Variants in CCDC32 observed in about 807,000 individuals in gnomAD.
CCDC32 encodes coiled-coil domain-containing protein 32.
CCDC32 carries 9 observed loss-of-function variants against 20.1 expected under a neutral mutation model. The observed-to-expected ratio is 0.45, with a 90% CI of 0.27 to 0.78. The LOEUF is 0.78. Among genes scored for constraint, CCDC32 ranks in the 30% least tolerant of loss-of-function variants. The pLI is 0.16. For synonymous variants in CCDC32, 63 were observed against 79.0 expected (o/e 0.80, Z 1.07); for missense variants, 204 against 215.5 (o/e 0.95, Z 0.33).
At chr15:40,559,339 C>T (rs75881058) in intron 2 of CCDC32, among the ~76,000 whole-genome samples, 2,732 of 152,298 alleles carry the variant, frequency 0.018, 94 homozygotes, top group African/African-American at 0.062. Flanking sequence ...CCTCCCACAT[C>T]GGCCTCTCAG....
At chr15:40,539,387 G>A (rs1346664508) in intron 3 of CCDC32, 1 of 1,511,434 alleles carries the variant, frequency 6.6e-7, no homozygotes, top group East Asian at 2.5e-5. Flanking sequence ...ACAGAGACGA[G>A]GAAGATAGAC....
At chr15:40,532,717 T>TTC (rs1555413487), downstream of CCDC32, among the ~76,000 whole-genome samples, 1 of 109,294 alleles carries the variant, frequency 9.1e-6, no homozygotes, top group African/African-American at 3.7e-5. Flanking sequence ...TTTCTTTCTT[T>TTC]TTTTTTTTTT....
downstream of CCDC32, chr15:40,539,222 C>G (rs1189822614): frequency 1.3e-6 from 2 of 1,533,092 alleles, no homozygotes; most frequent in Admixed American, 3.9e-5. Context: ...CCCTGCCTGG[C>G]CCGCCCTGGC....
downstream of CCDC32, among the ~76,000 whole-genome samples, chr15:40,552,221 C>A (rs1008545084): frequency 1.3e-5 from 2 of 151,716 alleles, no homozygotes; most frequent in Non-Finnish European, 2.9e-5. Flanking sequence ...GTGGCTCATG[C>A]GTGTAATCCC....
chr15:40,534,851 G>A, downstream of CCDC32: 1 of 701,762 alleles, frequency 1.4e-6, no homozygotes, highest in Non-Finnish European at 2.6e-6. Flanking sequence ...ATTTTAGAGG[G>A]ACACAAACAC....
chr15:40,554,788 T>G lies in CCDC32; in HGVS notation c.402-661A>C, dbSNP rs957535347. Among the ~76,000 whole-genome samples, 17 of 152,212 alleles carry G rather than the reference T, an allele frequency of 1.1e-4. 1 individual carries two copies. Among genetic ancestry groups the G allele is most frequent in the Non-Finnish European group, 1.3e-4 (9 of 68,034 alleles). On this transcript the variant is annotated intron_variant, in intron 3 of 3. Coordinates refer to ENST00000416810, the MANE Select transcript of CCDC32 (RefSeq NM_001080792.4). ...TCAAGCTCAAGGTCCCCTACCCGCC[T>G]TCCTTACAGGACCCTATACCCTAAA... is the stretch of plus-strand genomic sequence containing the variant.
chr15:40,539,608 G>A (rs978901033), intron 3 of CCDC32, among the ~76,000 whole-genome samples: 1 of 152,190 alleles, frequency 6.6e-6, no homozygotes, highest in Admixed American at 6.5e-5. Flanking sequence ...CACAGCAAGA[G>A]GCCAGGCAGA....
In CCDC32 at chr15:40,553,747, C is replaced by G; in HGVS notation, c.*224G>C. On this transcript the variant is annotated 3_prime_UTR_variant, in exon 4 of 4. Transcript: ENST00000416810. ...TGTGCACTGGGTCAGTCACTTCATC[C>G]GAGACAGTCACACATGCCAGCCCCA... The G allele has an allele frequency of 7.4e-7, 1 of 1,352,474 alleles. No homozygotes were observed. The highest frequency in any genetic ancestry group is 9.5e-7 in the Non-Finnish European group (1 of 1,053,286). 83.8% of individuals were successfully genotyped at this position (1,352,474 alleles called of 1,614,324 possible). A position where few individuals can be genotyped will look rare whatever the true frequency, so the allele number is the denominator to read the frequency against.
chr15:40,528,741 C>T (rs1894931396), exon 4 of CCDC32: 4 of 701,342 alleles, frequency 5.7e-6, no homozygotes, highest in Admixed American at 2.0e-5. Flanking sequence ...CTTCCGTCCT[C>T]CTAGCTGGCC....
At chr15:40,554,606 T>C (rs1443578132) in intron 3 of CCDC32, among the ~76,000 whole-genome samples, 1 of 152,240 alleles carries the variant, frequency 6.6e-6, no homozygotes, top group African/African-American at 2.4e-5. Context: ...CTAAGTGATT[T>C]TTTTTTTGTG....
downstream of CCDC32, among the ~76,000 whole-genome samples, chr15:40,552,167 CA>C (rs113158589): frequency 8.3e-5 from 12 of 144,078 alleles, no homozygotes; most frequent in Non-Finnish European, 1.1e-4. Flanking sequence ...CTCAAAAAAA[CA>C]AAAAAAAAAT....
Position 40,539,382 on chromosome 15 carries a change from G to C in CCDC32, c.402-27C>G. The C allele has an allele frequency of 3.3e-6, 5 of 1,518,440 alleles. No individual in the cohort carries two copies. The South Asian group carries it at 6.0e-5, about 18-fold the overall frequency. 94.1% of individuals were successfully genotyped at this position (1,518,440 alleles called of 1,614,324 possible). A position where few individuals can be genotyped will look rare whatever the true frequency, so the allele number is the denominator to read the frequency against. The stretch of plus-strand genomic sequence containing the variant: ...TATGGGAATAAGACAGACCGACAGA[G>C]ACGAGGAAGATAGACAGATACAGTC... On this transcript the variant is annotated intron_variant, in intron 3 of 3. Transcript: ENST00000558113.
At chr15:40,547,943 A>G (rs180833670) in intron 3 of CCDC32, among the ~76,000 whole-genome samples, 5 of 152,350 alleles carry the variant, frequency 3.3e-5, no homozygotes, top group African/African-American at 1.2e-4. Context: ...GCTATTCTAA[A>G]CTGATATGCT....
At chr15:40,551,981 T>C (rs1274403805), downstream of CCDC32, among the ~76,000 whole-genome samples, 2 of 151,846 alleles carry the variant, frequency 1.3e-5, no homozygotes, top group African/African-American at 4.8e-5. Context: ...AATGCGACCC[T>C]GTCTCTACAA....
At chr15:40,532,916 G>C (rs1396568387), downstream of CCDC32, among the ~76,000 whole-genome samples, 1 of 151,754 alleles carries the variant, frequency 6.6e-6, no homozygotes, top group Non-Finnish European at 1.5e-5. Context: ...TGTTGCCCAG[G>C]CTGGTCTCAA....
Position 40,553,573 on chromosome 15 carries a change from A to C in CCDC32, c.*398T>G. 3 of 995,146 alleles carry C rather than the reference A, an allele frequency of 3.0e-6. No homozygotes were observed. Among genetic ancestry groups the C allele is most frequent in the Non-Finnish European group, 3.6e-6 (3 of 836,382 alleles). The allele number at this position is 995,146 out of a possible 1,614,324, so 61.6% of individuals were successfully genotyped here. A position where few individuals can be genotyped will look rare whatever the true frequency, so the allele number is the denominator to read the frequency against. ...ATGAATGTCCGGAAGAGGCAAGAAAATATATGGCTCACTTAACTTACACAT... is the reference window on the plus strand; with the variant it reads ...ATGAATGTCCGGAAGAGGCAAGAAACTATATGGCTCACTTAACTTACACAT... On this transcript the variant is annotated 3_prime_UTR_variant, in exon 4 of 4. Coordinates refer to ENST00000416810, the MANE Select transcript of CCDC32 (RefSeq NM_001080792.4).
chr15:40,546,539 T>C (rs1313840698), intron 3 of CCDC32, among the ~76,000 whole-genome samples: 1 of 152,026 alleles, frequency 6.6e-6, no homozygotes, highest in Non-Finnish European at 1.5e-5. Flanking sequence ...TCCCTATCTG[T>C]TCATGCAAGT....
At chr15:40,545,142 C>T (rs566616168) in intron 3 of CCDC32, among the ~76,000 whole-genome samples, 1 of 152,310 alleles carries the variant, frequency 6.6e-6, no homozygotes, top group South Asian at 2.1e-4. Context: ...ACCCAATGTA[C>T]ACTCCGCATC....
At chr15:40,554,339 C>CT (rs1484654270) in intron 3 of CCDC32, among the ~76,000 whole-genome samples, 1 of 152,176 alleles carries the variant, frequency 6.6e-6, no homozygotes. Flanking sequence ...ATAGTGGGCA[C>CT]TTTGACTACA....
Sources: gnomAD v4.1 joint callset for allele counts (sites outside exome capture counted in the v4.1 genomes callset) on GRCh38, gnomAD v4.1.1 for gene constraint, MANE v1.5 for transcripts, NCBI Gene and HGNC (gene_info 2026-07-23, HGNC 2026-07-21) for gene names.